Variants in CMSS1 observed in about 807,000 individuals in gnomAD.
CMSS1 encodes the protein cms1 ribosomal small subunit homolog.
CMSS1 carries 33 observed loss-of-function variants against 43.5 expected under a neutral mutation model. The ratio of observed to expected loss-of-function variants is 0.76; its 90% confidence interval spans 0.57 to 1.01. CMSS1 has a LOEUF of 1.01. CMSS1 is among the 50% of genes least tolerant of loss of function. The pLI, the probability that CMSS1 is intolerant of heterozygous loss-of-function variation, is 0.00. For missense variants in CMSS1, 313 were observed against 326.4 expected (o/e 0.96, Z 0.32); for synonymous variants, 115 against 117.2 (o/e 0.98, Z 0.12).
chr3:99,905,892 C>A (rs762734720), intron 1 of CMSS1, among the ~76,000 whole-genome samples: 2 of 152,152 alleles, frequency 1.3e-5, no homozygotes, highest in Non-Finnish European at 2.9e-5. Context: ...TTGGTAATAT[C>A]TTTTTATTTA....
At chr3:99,957,693 CTTTTTTTT>C (rs779350496) in intron 1 of CMSS1, among the ~76,000 whole-genome samples, 30 of 19,904 alleles carry the variant, frequency 1.5e-3, no homozygotes, top group South Asian at 6.8e-3. Context: ...TTCTTTCTTT[CTTTTTTTT>C]TTTTTTTTTT....
intron 1 of CMSS1, among the ~76,000 whole-genome samples, chr3:99,868,764 A>G (rs894726830): frequency 5.3e-5 from 8 of 152,134 alleles, no homozygotes; most frequent in Non-Finnish European, 8.8e-5. Context: ...GCATTCAGTC[A>G]TCTCCATTTA....
chr3:99,850,945 TCCA>T, intron 1 of CMSS1: 1 of 1,614,210 alleles, frequency 6.2e-7, no homozygotes, highest in Non-Finnish European at 8.5e-7. Flanking sequence ...TTGCTGTTCA[TCCA>T]CCACCATCAA....
chr3:100,053,451 G>A (rs2065407447), intron 1 of CMSS1, among the ~76,000 whole-genome samples: 1 of 152,122 alleles, frequency 6.6e-6, no homozygotes, highest in Non-Finnish European at 1.5e-5. Context: ...TCTTTACATA[G>A]TTGTCTTCCC....
chr3:100,139,319 C>T (rs2066782992), intron 1 of CMSS1, among the ~76,000 whole-genome samples: 1 of 151,266 alleles, frequency 6.6e-6, no homozygotes, highest in African/African-American at 2.4e-5. Flanking sequence ...TAAAGTAAAA[C>T]AAAATAAAAT....
intron 9 of CMSS1, among the ~76,000 whole-genome samples, chr3:100,177,544 T>C (rs2067157522): frequency 6.6e-6 from 1 of 152,264 alleles, no homozygotes; most frequent in Admixed American, 6.5e-5. Context: ...TACTGAACTA[T>C]TGTATATAAT....
intron 1 of CMSS1, among the ~76,000 whole-genome samples, chr3:99,925,301 C>A (rs1159572253): frequency 6.6e-6 from 1 of 152,204 alleles, no homozygotes; most frequent in Non-Finnish European, 1.5e-5. Flanking sequence ...ACTATACTTA[C>A]ATCTTTTTTA....
At chr3:100,014,898 T>TTTTTTTTTTTTTTTTTTTTTTC (rs1710291087) in intron 1 of CMSS1, among the ~76,000 whole-genome samples, 1 of 110,398 alleles carries the variant, frequency 9.1e-6, no homozygotes, top group Non-Finnish European at 2.0e-5. Context: ...TTTCTTTCTT[T>TTTTTTTTTTTTTTTTTTTTTTC]TTTTTTTTTT....
At chr3:99,826,187 TC>T (rs568051404) in intron 1 of CMSS1, among the ~76,000 whole-genome samples, 62 of 152,204 alleles carry the variant, frequency 4.1e-4, no homozygotes, top group Non-Finnish European at 7.9e-4. Context: ...AAATATAGTT[TC>T]CCCATTTTTA....
intron 4 of CMSS1, among the ~76,000 whole-genome samples, chr3:100,165,555 A>C (rs2067059364): frequency 6.6e-6 from 1 of 152,126 alleles, no homozygotes; most frequent in Admixed American, 6.6e-5. Flanking sequence ...CTTTTTCCAG[A>C]TATGACTAAG....
At chr3:99,982,942 A>G (rs923530043) in intron 1 of CMSS1, among the ~76,000 whole-genome samples, 1 of 152,182 alleles carries the variant, frequency 6.6e-6, no homozygotes, top group African/African-American at 2.4e-5. Flanking sequence ...AAAGTAATAC[A>G]TACAGTGCTG....
At position 100,172,272 on chromosome 3, in the gene CMSS1, T is replaced by C. The variant is rs771372398; in HGVS notation, c.580-44T>C. Reference sequence around the variant, plus strand: ...TCTAAATTGGTGTAAGATAGCACTTTCTTAATGACTTCCTTTTCTTTCTTC... The same window carrying C: ...TCTAAATTGGTGTAAGATAGCACTTCCTTAATGACTTCCTTTTCTTTCTTC... On this transcript the variant is annotated intron_variant, in intron 7 of 9. Transcript: ENST00000421999. 1.2e-5 allele frequency: 18 copies of C among 1,550,024 alleles called. No homozygotes were observed. In the East Asian group the frequency reaches 3.8e-4, roughly 33 times the overall value.
At chr3:100,147,186 C>T in intron 2 of CMSS1, 125 bp downstream of exon 2, 2 of 1,015,916 alleles carry the variant, frequency 2.0e-6, no homozygotes, top group South Asian at 2.8e-5. Context: ...CTTTTACTTT[C>T]TTTCCCTTTG....
intron 1 of CMSS1, among the ~76,000 whole-genome samples, chr3:99,842,837 T>C (rs1008219284): frequency 6.6e-6 from 1 of 152,176 alleles, no homozygotes; most frequent in East Asian, 1.9e-4. Flanking sequence ...CCCATGTAAA[T>C]GGTGTTAATT....
intron 1 of CMSS1, among the ~76,000 whole-genome samples, chr3:99,880,591 T>C (rs1576543795): frequency 6.6e-6 from 1 of 152,204 alleles, no homozygotes; most frequent in African/African-American, 2.4e-5. Flanking sequence ...CATGTGATGC[T>C]AGGGAATGGG....
chr3:100,168,880 TAC>T (rs10658783), intron 6 of CMSS1, among the ~76,000 whole-genome samples: 342 of 149,108 alleles, frequency 2.3e-3, no homozygotes, highest in African/African-American at 7.8e-3. Flanking sequence ...TATATATATA[TAC>T]ACACACACAC....
chr3:99,946,587 G>A (rs943661203), intron 1 of CMSS1, among the ~76,000 whole-genome samples: 7 of 152,116 alleles, frequency 4.6e-5, no homozygotes, highest in African/African-American at 1.4e-4. Flanking sequence ...TCTGAAAAAA[G>A]CAAATGATGC....
In CMSS1 at chr3:100,178,325, A is replaced by C. The variant is rs575019956; in HGVS notation, c.777A>C (p.Glu259Asp). ...DIPEIRKEVF[E>D]LLEMGVLSLC... Reference sequence around the variant, plus strand: ...TTTAGATAAGAAAGGAGGTATTCGAACTTCTGGAAATGGGAGTGCTCAGTC... The same window carrying C: ...TTTAGATAAGAAAGGAGGTATTCGACCTTCTGGAAATGGGAGTGCTCAGTC... The change falls in exon 10 of 10, where the codon GAA (glutamate) becomes GAC (aspartate). Residue 259 changes from glutamate (E) to aspartate (D), a missense_variant. Glu to Asp is a conservative substitution (Grantham distance 45, BLOSUM62 2). Transcript: ENST00000421999. The C allele has an allele frequency of 1.1e-5, 18 of 1,612,484 alleles. No individual in the cohort carries two copies. The East Asian group carries it at 3.3e-4, about 30-fold the overall frequency.
intron 1 of CMSS1, among the ~76,000 whole-genome samples, chr3:99,910,485 C>G (rs1285359724): frequency 7.3e-6 from 1 of 136,446 alleles, no homozygotes; most frequent in Admixed American, 7.8e-5. Context: ...TAAACAAACA[C>G]ATGTCTTCAC....
Sources: allele counts gnomAD v4.1 joint callset (sites outside exome capture counted in the v4.1 genomes callset), GRCh38; gene constraint gnomAD v4.1.1; transcripts MANE v1.5; gene names NCBI Gene and HGNC (gene_info 2026-07-23, HGNC 2026-07-21).